Variants in KIF26B observed in about 807,000 individuals in gnomAD.
The protein encoded by KIF26B is kinesin-like protein KIF26B.
In KIF26B, 63 loss-of-function variants were observed where a neutral mutation model predicts 151.2. The observed-to-expected ratio is 0.42, with a 90% confidence interval of 0.34 to 0.51. The LOEUF is 0.51. Among genes scored for constraint, KIF26B ranks in the 20% least tolerant of loss-of-function variants. The probability of loss-of-function intolerance (pLI) is 0.07; values close to 1 mark genes in which losing one functional copy is unlikely to be tolerated. For missense variants in KIF26B, 2,813 were observed against 2,913.6 expected (o/e 0.97, Z 0.79); for synonymous variants, 1,357 against 1,262.1 (o/e 1.08, Z -1.59).
intron 3 of KIF26B, among the ~76,000 whole-genome samples, chr1:245,401,304 G>A (rs1050400196): frequency 6.6e-6 from 1 of 152,104 alleles, no homozygotes; most frequent in Admixed American, 6.5e-5. Flanking sequence ...CTTAGAAGCC[G>A]CAGATCAGCC....
At chr1:245,224,581 G>C (rs1669838784) in intron 2 of KIF26B, among the ~76,000 whole-genome samples, 1 of 152,214 alleles carries the variant, frequency 6.6e-6, no homozygotes, top group Admixed American at 6.5e-5. Context: ...TAGAATTTTT[G>C]AAAACTTGTA....
At position 245,687,789 on chromosome 1, in the gene KIF26B, A is replaced by G. The variant is rs2044552701; in HGVS notation, c.4806A>G (p.Arg1602=). 1.9e-6 allele frequency: 3 copies of G among 1,588,500 alleles called. No homozygotes were observed. Among genetic ancestry groups the G allele is most frequent in the East Asian group, 4.6e-5 (2 of 43,066 alleles). The change falls in exon 12 of 15, where the codon CGA becomes CGG. Residue 1602 remains arginine (R), a synonymous_variant. Coordinates refer to ENST00000407071, the MANE Select transcript of KIF26B (RefSeq NM_018012.4). The surrounding 1 kb of genome is among the most constrained non-coding windows in gnomAD (Gnocchi z 4.9). ...GGACTCCCCCTCTGCCCCCTGTCCG[A>G]AAGTCCAGCCTGGACCAGAAGAACC... The part of the protein sequence containing the change: ...PKGTPPLPPV[R]KSSLDQKNRA...
chr1:245,521,998 T>C (rs942482877), intron 4 of KIF26B, among the ~76,000 whole-genome samples: 1 of 151,642 alleles, frequency 6.6e-6, no homozygotes, highest in East Asian at 1.9e-4. Context: ...GCCTCCCAAG[T>C]AGCTGGGACT....
intron 2 of KIF26B, among the ~76,000 whole-genome samples, chr1:245,222,583 G>A (rs1039271544): frequency 1.3e-5 from 2 of 152,104 alleles, no homozygotes; most frequent in African/African-American, 2.4e-5. Flanking sequence ...ATTAAAATAC[G>A]ACAGAAGGGA....
chr1:245,616,676 G>A (rs990117939), intron 9 of KIF26B, among the ~76,000 whole-genome samples: 3 of 152,122 alleles, frequency 2.0e-5, no homozygotes, highest in Non-Finnish European at 4.4e-5. Flanking sequence ...CCCTCACGAG[G>A]TCAGGTGTGG....
chr1:245,164,793 C>T (rs894339152), intron 2 of KIF26B, among the ~76,000 whole-genome samples: 3 of 152,192 alleles, frequency 2.0e-5, no homozygotes, highest in Non-Finnish European at 2.9e-5. Context: ...AGATTGCTGG[C>T]CAGGCACGGT....
At chr1:245,403,342 G>A (rs893383212) in intron 3 of KIF26B, among the ~76,000 whole-genome samples, 4 of 152,208 alleles carry the variant, frequency 2.6e-5, no homozygotes, top group East Asian at 1.9e-4. Context: ...CCCATTTTTC[G>A]GATGCGTTCC....
At chr1:245,450,931 G>T (rs1659376211) in intron 4 of KIF26B, among the ~76,000 whole-genome samples, 1 of 152,166 alleles carries the variant, frequency 6.6e-6, no homozygotes, top group Admixed American at 6.5e-5. Context: ...TAGATATGCT[G>T]CTAAGTAATT....
chr1:245,631,540 T>C (rs1035426508), intron 9 of KIF26B, among the ~76,000 whole-genome samples: 1 of 152,180 alleles, frequency 6.6e-6, no homozygotes, highest in African/African-American at 2.4e-5. Context: ...ATTTTTTAGA[T>C]GATTTTTGCA....
At chr1:245,309,688 A>G (rs1671627939) in intron 2 of KIF26B, among the ~76,000 whole-genome samples, 1 of 147,750 alleles carries the variant, frequency 6.8e-6, no homozygotes, top group African/African-American at 2.5e-5. Flanking sequence ...ATCTCTCACT[A>G]TATATAGTGA....
In KIF26B at chr1:245,156,373, G is replaced by A; in HGVS notation, c.155G>A (p.Ser52Asn). 1 of 1,543,964 alleles carries A rather than the reference G, an allele frequency of 6.5e-7. No homozygotes were observed. The highest frequency in any genetic ancestry group is 8.7e-7 in the Non-Finnish European group (1 of 1,144,746). ...GCATACGAGGAGTCGCGCGCCGGCA[G>A]CCGGCCCACTCCTGAGGGCGCGGGC... is the stretch of plus-strand genomic sequence containing the variant. ...RKAYEESRAG[S>N]RPTPEGAGSA... The change falls in exon 2 of 15, where the codon AGC (serine) becomes AAC (asparagine). Residue 52 changes from serine to asparagine, a missense_variant. Coordinates refer to ENST00000407071, the MANE Select transcript of KIF26B (RefSeq NM_018012.4).
chr1:245,331,847 C>T (rs1672121467), intron 2 of KIF26B, among the ~76,000 whole-genome samples: 1 of 152,042 alleles, frequency 6.6e-6, no homozygotes, highest in South Asian at 2.1e-4. Context: ...CATCAGGAGG[C>T]CAGGCGTGGT....
chr1:245,700,471 C>T (rs1572215099), intron 14 of KIF26B, among the ~76,000 whole-genome samples: 2 of 152,194 alleles, frequency 1.3e-5, no homozygotes, highest in Middle Eastern at 3.4e-3. Context: ...GTGGGCAGAT[C>T]ACTTGAGCCC....
intron 4 of KIF26B, among the ~76,000 whole-genome samples, chr1:245,463,735 G>A (rs1158464662): frequency 6.6e-6 from 1 of 152,218 alleles, no homozygotes; most frequent in Non-Finnish European, 1.5e-5. Context: ...GTGATTCAAG[G>A]TGTAAGAGGA....
intron 2 of KIF26B, among the ~76,000 whole-genome samples, chr1:245,355,373 C>A (rs1472997778): frequency 1.3e-5 from 2 of 152,048 alleles, no homozygotes; most frequent in African/African-American, 4.8e-5. Flanking sequence ...TTCCTAATGT[C>A]CCCTGAGCAT....
chr1:245,228,050 A>G (rs139615749), intron 2 of KIF26B, among the ~76,000 whole-genome samples: 4 of 152,302 alleles, frequency 2.6e-5, no homozygotes, highest in Admixed American at 2.6e-4. Flanking sequence ...GGAAACAATG[A>G]TATAACATTC....
At chr1:245,589,913 A>T (rs1416641358) in intron 5 of KIF26B, among the ~76,000 whole-genome samples, 1 of 152,236 alleles carries the variant, frequency 6.6e-6, no homozygotes, top group Non-Finnish European at 1.5e-5. Flanking sequence ...TTGATCATGC[A>T]GTGAGCTGCA....
chr1:245,290,741 C>T (rs1671240984), intron 2 of KIF26B, among the ~76,000 whole-genome samples: 1 of 152,246 alleles, frequency 6.6e-6, no homozygotes, highest in South Asian at 2.1e-4. Context: ...AGGTCACAGC[C>T]TCATTTTACC....
At chr1:245,644,147 C>T (rs1468319933) in intron 9 of KIF26B, among the ~76,000 whole-genome samples, 1 of 152,034 alleles carries the variant, frequency 6.6e-6, no homozygotes, top group Non-Finnish European at 1.5e-5. Flanking sequence ...TGAAGTTGTC[C>T]TACAGCTCTT....
Sources: allele counts gnomAD v4.1 joint callset (sites outside exome capture counted in the v4.1 genomes callset), GRCh38; gene constraint gnomAD v4.1.1; non-coding constraint Gnocchi (gnomAD v3.1); transcripts MANE v1.5; gene names NCBI Gene and HGNC (gene_info 2026-07-23, HGNC 2026-07-21).